Variants in DENND11 observed in about 807,000 individuals in gnomAD.
DENND11 encodes the protein DENN domain containing 11.
A neutral mutation model predicts 49.2 loss-of-function variants in DENND11; 34 were observed. That is an observed-to-expected ratio of 0.69 (90% CI 0.53 to 0.92). The LOEUF is 0.92. Among genes scored for constraint, DENND11 ranks in the 40% least tolerant of loss-of-function variants. The pLI, the probability that DENND11 is intolerant of heterozygous loss-of-function variation, is 0.00. For synonymous variants in DENND11, 238 were observed against 230.3 expected, an observed-to-expected ratio of 1.03 and a Z score of -0.30; for missense variants, 475 against 581.6, an observed-to-expected ratio of 0.82 and a Z score of 1.88.
chr7:141,701,326 G>T (rs972157089), intron 1 of DENND11, among the ~76,000 whole-genome samples: 1 of 150,476 alleles, frequency 6.6e-6, no homozygotes, highest in Non-Finnish European at 1.5e-5. Context: ...TGGCCGCTAG[G>T]AAAGTTACCC....
intron 1 of DENND11, among the ~76,000 whole-genome samples, chr7:141,688,685 T>C (rs1055506411): frequency 1.3e-5 from 2 of 152,194 alleles, no homozygotes; most frequent in Admixed American, 6.5e-5. Context: ...ACCATCCATG[T>C]CTATTACCTT....
At position 141,665,880 on chromosome 7, in the gene DENND11, C is replaced by T. The variant is rs532895006; in HGVS notation, c.820+407G>A. Among the ~76,000 whole-genome samples, 7 of 151,936 alleles carry T rather than the reference C, an allele frequency of 4.6e-5. No homozygotes were observed. The South Asian group carries it at 1.2e-3, about 27-fold the overall frequency. On this transcript the variant is annotated intron_variant, in intron 5 of 8. Coordinates refer to ENST00000536163, the MANE Select transcript of DENND11 (RefSeq NM_001080392.2). ...TCAAGGCAGCACACCCTCATCACAT[C>T]CCACACTAACCTTATCAAGCCAGCC...
At chr7:141,689,272 A>G (rs1798289638) in intron 1 of DENND11, among the ~76,000 whole-genome samples, 1 of 152,220 alleles carries the variant, frequency 6.6e-6, no homozygotes, top group African/African-American at 2.4e-5. Context: ...CTATGCAGCC[A>G]TAAAAAGGAA....
intron 1 of DENND11, among the ~76,000 whole-genome samples, chr7:141,690,088 G>A (rs1478513636): frequency 6.6e-6 from 1 of 152,222 alleles, no homozygotes; most frequent in Non-Finnish European, 1.5e-5. Flanking sequence ...AGATTTGGAA[G>A]TGAATCAGTA....
chr7:141,685,336 C>T, intron 3 of DENND11, 142 bp downstream of exon 3: 4 of 1,030,366 alleles, frequency 3.9e-6, no homozygotes, highest in Non-Finnish European at 5.8e-6. Flanking sequence ...AGGACACCAC[C>T]CGAGGCGTGA....
intron 3 of DENND11, among the ~76,000 whole-genome samples, chr7:141,682,418 C>A (rs74808193): frequency 7.9e-4 from 120 of 152,304 alleles, no homozygotes; most frequent in African/African-American, 2.6e-3. Context: ...GGGTCACCCA[C>A]CTAGTAGTGA....
At chr7:141,690,853 G>A (rs1449501965) in intron 1 of DENND11, among the ~76,000 whole-genome samples, 1 of 152,074 alleles carries the variant, frequency 6.6e-6, no homozygotes, top group Non-Finnish European at 1.5e-5. Flanking sequence ...ATGCCACTCT[G>A]CATCGTGAAT....
intron 3 of DENND11, among the ~76,000 whole-genome samples, chr7:141,680,739 A>C (rs1798136675): frequency 6.6e-6 from 1 of 151,830 alleles, no homozygotes; most frequent in South Asian, 2.1e-4. Context: ...GAAAATGACA[A>C]TGTAATGGGG....
chr7:141,666,487 C>A, intron 4 of DENND11, 62 bp from the exon 5 acceptor site: 1 of 1,433,262 alleles, frequency 7.0e-7, no homozygotes, highest in Non-Finnish European at 9.4e-7. Flanking sequence ...AGAAATATAG[C>A]AAAAGGTATC....
chr7:141,665,375 C>G, intron 5 of DENND11, 57 bp from the exon 6 acceptor site: 1 of 1,603,832 alleles, frequency 6.2e-7, no homozygotes, highest in African/African-American at 1.3e-5. Context: ...CCCTTCCTCC[C>G]TCGGAGCCTG....
intron 3 of DENND11, among the ~76,000 whole-genome samples, chr7:141,679,931 T>C (rs1046575342): frequency 1.3e-5 from 2 of 152,214 alleles, no homozygotes; most frequent in Non-Finnish European, 2.9e-5. Context: ...GTTGGCAACG[T>C]TGAGGTGAAA....
At chr7:141,675,523 T>C (rs893169490) in intron 3 of DENND11, among the ~76,000 whole-genome samples, 1 of 152,102 alleles carries the variant, frequency 6.6e-6, no homozygotes, top group Non-Finnish European at 1.5e-5. Flanking sequence ...AAAAGCAAAA[T>C]ATAGCTTCAC....
chr7:141,680,464 G>C (rs1798132314), intron 3 of DENND11, among the ~76,000 whole-genome samples: 1 of 152,044 alleles, frequency 6.6e-6, no homozygotes, highest in Non-Finnish European at 1.5e-5. Flanking sequence ...CACTTTATGT[G>C]AGTGGTAGTC....
At position 141,659,876 on chromosome 7, in the gene DENND11, C is replaced by G. The variant is rs950511519; in HGVS notation, c.*2780G>C. 2 of 152,198 alleles carry G rather than the reference C, an allele frequency of 1.3e-5. No homozygotes were observed. Among genetic ancestry groups the G allele is most frequent in the Non-Finnish European group, 2.9e-5 (2 of 68,040 alleles). The allele number at this position is 152,198 out of a possible 1,614,324, so 9.4% of individuals were successfully genotyped here. A position where few individuals can be genotyped will look rare whatever the true frequency, so the allele number is the denominator to read the frequency against. ...AGAAGTCTGTGAACGATGTTCAGCA[C>G]TTTCTTCTGAACAAAAGCAGATGGT... On this transcript the variant is annotated 3_prime_UTR_variant, in exon 9 of 9. Coordinates refer to ENST00000536163, the MANE Select transcript of DENND11 (RefSeq NM_001080392.2).
In DENND11 at chr7:141,656,966, G is replaced by A. The variant is rs958832685; in HGVS notation, c.*5690C>T. The stretch of plus-strand genomic sequence containing the variant: ...AACAGAGAGAGAGCACGGCATACCT[G>A]GGCACACCAGTATTCAGGGCAAAAT... On this transcript the variant is annotated 3_prime_UTR_variant, in exon 9 of 9. Transcript: ENST00000536163. 1 of 152,704 alleles carries A rather than the reference G, an allele frequency of 6.5e-6. No homozygotes were observed. Among genetic ancestry groups the A allele is most frequent in the South Asian group, 2.1e-4 (1 of 4,820 alleles). 9.5% of individuals were successfully genotyped at this position (152,704 alleles called of 1,614,324 possible).
chr7:141,677,358 CCAG>C (rs1222660365), intron 3 of DENND11, among the ~76,000 whole-genome samples: 1 of 145,868 alleles, frequency 6.9e-6, no homozygotes, highest in Non-Finnish European at 1.5e-5. Context: ...GCCATTGCAT[CCAG>C]CCTGGGTGAC....
At chr7:141,678,150 C>T (rs1172438956) in intron 3 of DENND11, among the ~76,000 whole-genome samples, 2 of 152,022 alleles carry the variant, frequency 1.3e-5, no homozygotes, top group East Asian at 1.9e-4. Flanking sequence ...TTAGTAGAGA[C>T]GGGGTTTCAC....
Position 141,686,617 on chromosome 7 carries a change from C to A in DENND11, c.310G>T (p.Glu104Ter). 1 of 1,613,362 alleles carries A rather than the reference C, an allele frequency of 6.2e-7. No homozygotes were observed. The highest frequency in any genetic ancestry group is 8.5e-7 in the Non-Finnish European group (1 of 1,179,540). ...GCCATAGACTTGAACTCAACACCTT[C>A]AAGGTCAATATCTTGAGGTAAGCAC... is the stretch of plus-strand genomic sequence containing the variant. ...EWCLPQDIDL[E>*]GVEFKSMASG... The change falls in exon 2 of 9, where the codon GAA becomes TAA. Residue 104 changes from glutamate (E) to a stop codon, truncating the protein, a stop_gained. Coordinates refer to ENST00000536163, the MANE Select transcript of DENND11 (RefSeq NM_001080392.2). LOFTEE classifies it high-confidence loss of function.
At chr7:141,689,499 A>T (rs183949842) in intron 1 of DENND11, among the ~76,000 whole-genome samples, 2 of 152,356 alleles carry the variant, frequency 1.3e-5, no homozygotes, top group African/African-American at 4.8e-5. Flanking sequence ...TAACACATGC[A>T]GGGCTTAATA....
Sources: gnomAD v4.1 joint callset for allele counts (sites outside exome capture counted in the v4.1 genomes callset) on GRCh38, gnomAD v4.1.1 for gene constraint, MANE v1.5 for transcripts, NCBI Gene and HGNC (gene_info 2026-07-23, HGNC 2026-07-21) for gene names.